Variants in VPS13A observed in about 807,000 individuals in gnomAD.
The protein encoded by VPS13A is intermembrane lipid transfer protein VPS13A.
In VPS13A, 264 loss-of-function variants were observed where a neutral mutation model predicts 390.9. The ratio of observed to expected loss-of-function variants is 0.68; its 90% CI spans 0.61 to 0.75. The LOEUF is 0.75. VPS13A is among the 30% of genes least tolerant of loss of function. The probability of loss-of-function intolerance (pLI) is 0.00; values close to 1 mark genes in which losing one functional copy is unlikely to be tolerated. For synonymous variants in VPS13A, 1,231 were observed against 1,227.1 expected, an observed-to-expected ratio of 1.00 and a Z score of -0.07; for missense variants, 3,409 against 3,733.9, an observed-to-expected ratio of 0.91 and a Z score of 2.27.
intron 10 of VPS13A, among the ~76,000 whole-genome samples, chr9:77,215,105 A>T (rs1027766760): frequency 6.6e-6 from 1 of 152,126 alleles, no homozygotes; most frequent in East Asian, 1.9e-4. Context: ...ACGCCACTGC[A>T]CTCCAGCCTG....
intron 39 of VPS13A, among the ~76,000 whole-genome samples, chr9:77,316,903 C>T (rs1434073463): frequency 1.3e-5 from 2 of 152,026 alleles, no homozygotes; most frequent in Non-Finnish European, 2.9e-5. Flanking sequence ...ACCTCTTGGC[C>T]TTCCTCCTCT....
intron 71 of VPS13A, among the ~76,000 whole-genome samples, chr9:77,410,925 G>A (rs1834888723): frequency 6.6e-6 from 1 of 152,144 alleles, no homozygotes; most frequent in Admixed American, 6.5e-5. Flanking sequence ...ACTCAGCTCT[G>A]CACCAAGCAG....
At chr9:77,403,905 T>TA (rs1370536965) in intron 69 of VPS13A, among the ~76,000 whole-genome samples, 1 of 152,070 alleles carries the variant, frequency 6.6e-6, no homozygotes, top group Non-Finnish European at 1.5e-5. Context: ...AGAGTGAAAA[T>TA]ACGGCTAGCA....
At chr9:77,179,728 T>C (rs1461055558) in intron 1 of VPS13A, among the ~76,000 whole-genome samples, 3 of 149,944 alleles carry the variant, frequency 2.0e-5, no homozygotes, top group Non-Finnish European at 3.0e-5. Flanking sequence ...ATACCATAAA[T>C]TTCACTCTTT....
rs1400615377 is a variant in VPS13A, at chr9:77,371,102, T to A, written c.9030T>A (p.Thr3010=). Reference sequence around the variant, plus strand: ...TAGTAGGAGCGGTAGCAAGGCCAACTGGAGGCATCATAGACATGGCTAGCA... The same window carrying A: ...TAGTAGGAGCGGTAGCAAGGCCAACAGGAGGCATCATAGACATGGCTAGCA... ...KGLVGAVARP[T]GGIIDMASST... is the part of the protein sequence containing the mutation. The change falls in exon 67 of 72, where the codon ACT becomes ACA. Residue 3010 remains threonine, a synonymous_variant. Coordinates refer to ENST00000360280, the MANE Select transcript of VPS13A (RefSeq NM_033305.3). 1.2e-6 allele frequency: 2 copies of A among 1,614,156 alleles called. No individual in the cohort carries two copies. The highest frequency in any genetic ancestry group is 2.2e-5 in the East Asian group (1 of 44,880).
At chr9:77,248,825 G>T (rs569581419) in intron 20 of VPS13A, among the ~76,000 whole-genome samples, 1 of 152,004 alleles carries the variant, frequency 6.6e-6, no homozygotes, top group Non-Finnish European at 1.5e-5. Flanking sequence ...TCTGCCTCCC[G>T]AGTTCAAGTG....
In VPS13A at chr9:77,321,247, G is replaced by A; in HGVS notation, c.5494G>A (p.Val1832Ile). 1 of 1,612,034 alleles carries A rather than the reference G, an allele frequency of 6.2e-7. No homozygotes were observed. Among genetic ancestry groups the A allele is most frequent in the Non-Finnish European group, 8.5e-7 (1 of 1,178,788 alleles). The stretch of plus-strand genomic sequence containing the variant: ...CTACAAAGTGCCAGAATATAAAACT[G>A]TCATCAGTTTCCATTCAAAAGACCA... ...ENYKVPEYKT[V>I]ISFHSKDQLN... Residue 1832 changes from valine (V) to isoleucine (I), a missense_variant, in exon 43 of 72, where the codon GTC (valine) becomes ATC (isoleucine). Physicochemically the swap from Val to Ile is conservative, Grantham distance 29. This residue lies in a region of VPS13A where 2,717 missense variants were observed against 2,917.4 expected (regional missense o/e 0.93). Coordinates refer to ENST00000360280, the MANE Select transcript of VPS13A (RefSeq NM_033305.3).
At chr9:77,235,421 T>G (rs927482818) in intron 17 of VPS13A, among the ~76,000 whole-genome samples, 26 of 152,250 alleles carry the variant, frequency 1.7e-4, no homozygotes, top group African/African-American at 6.3e-4. Flanking sequence ...GTTAATCTAT[T>G]ACATATCTTG....
intron 12 of VPS13A, among the ~76,000 whole-genome samples, chr9:77,220,749 C>T (rs948903936): frequency 6.6e-6 from 1 of 151,996 alleles, no homozygotes; most frequent in African/African-American, 2.4e-5. Context: ...TATTATTAAA[C>T]CTGTATTTTA....
At chr9:77,390,064 T>G in intron 68 of VPS13A, 1 of 985,420 alleles carries the variant, frequency 1.0e-6, no homozygotes, top group Non-Finnish European at 1.2e-6. Flanking sequence ...TGACTACTAA[T>G]CTGGAAGAAA....
chr9:77,297,457 G>C (rs56051899), intron 33 of VPS13A, among the ~76,000 whole-genome samples: 13,750 of 151,916 alleles, frequency 0.091, 713 homozygotes, highest in East Asian at 0.13. Context: ...TAAAACAATA[G>C]TAAACTGGGA....
At chr9:77,247,540 C>T in intron 20 of VPS13A, 145 bp downstream of exon 20, 3 of 917,272 alleles carry the variant, frequency 3.3e-6, no homozygotes, top group Non-Finnish European at 4.7e-6. Context: ...ATCTCCCTTT[C>T]TGTTAAATAA....
intron 10 of VPS13A, among the ~76,000 whole-genome samples, chr9:77,218,837 T>C (rs1226297783): frequency 6.6e-6 from 1 of 152,162 alleles, no homozygotes; most frequent in African/African-American, 2.4e-5. Flanking sequence ...ACTGAAGGAC[T>C]GTTGTGTAAT....
chr9:77,264,428 C>G (rs980026837), intron 23 of VPS13A, among the ~76,000 whole-genome samples: 2 of 152,152 alleles, frequency 1.3e-5, no homozygotes, highest in African/African-American at 4.8e-5. Context: ...TATCAGTGAG[C>G]ATGGAATGTC....
intron 1 of VPS13A, among the ~76,000 whole-genome samples, chr9:77,190,464 C>T (rs1824607186): frequency 6.6e-6 from 1 of 152,022 alleles, no homozygotes; most frequent in South Asian, 2.1e-4. Context: ...AGATGTGCTG[C>T]TGGATTTGGT....
chr9:77,323,318 G>A, intron 45 of VPS13A, 91 bp downstream of exon 45: 1 of 1,456,316 alleles, frequency 6.9e-7, no homozygotes, highest in Non-Finnish European at 9.6e-7. Flanking sequence ...ATTACTGAAA[G>A]AATATAAACC....
At chr9:77,191,054 C>G (rs1312789282) in intron 1 of VPS13A, among the ~76,000 whole-genome samples, 1 of 151,424 alleles carries the variant, frequency 6.6e-6, no homozygotes, top group African/African-American at 2.4e-5. Context: ...CAGTTCAACT[C>G]TAATTTTGGT....
intron 50 of VPS13A, among the ~76,000 whole-genome samples, chr9:77,343,229 A>G (rs1421919171): frequency 1.3e-5 from 2 of 152,176 alleles, no homozygotes; most frequent in Non-Finnish European, 2.9e-5. Flanking sequence ...GGGTTGCTTG[A>G]ATCCTTAAGA....
chr9:77,382,129 A>C (rs772814745), intron 68 of VPS13A, 42 bp downstream of exon 68: 1 of 1,524,310 alleles, frequency 6.6e-7, no homozygotes, highest in East Asian at 2.3e-5. Context: ...TAATTTAGTC[A>C]AGTTAGATTT....
Sources: gnomAD v4.1 joint callset for allele counts (sites outside exome capture counted in the v4.1 genomes callset) on GRCh38, gnomAD v4.1.1 for gene constraint, gnomAD v4.1.1 regional missense constraint, MANE v1.5 for transcripts, NCBI Gene and HGNC (gene_info 2026-07-23, HGNC 2026-07-21) for gene names.